NDE1: variants seen among roughly 807,000 people sequenced by gnomAD.
NDE1 encodes nuclear distribution protein nudE homolog 1.
NDE1 carries 28 observed loss-of-function variants against 43.4 expected under a neutral mutation model. The ratio of observed to expected loss-of-function variants is 0.65; its 90% CI spans 0.48 to 0.89. The LOEUF is 0.89. Ranked by LOEUF, NDE1 falls within the 40% of genes least tolerant of loss-of-function variation. The pLI, the probability that NDE1 is intolerant of heterozygous loss-of-function variation, is 0.00. For synonymous variants in NDE1, 184 were observed against 172.0 expected (o/e 1.07, Z -0.55); for missense variants, 441 against 434.1 (o/e 1.02, Z -0.14).
intron 2 of NDE1, among the ~76,000 whole-genome samples, chr16:15,665,979 C>A (rs2151439271): frequency 6.6e-6 from 1 of 152,252 alleles, no homozygotes. Context: ...AGCTCTCGAA[C>A]TCCCAACCTC....
At position 15,717,193 on chromosome 16, in the gene NDE1, C is replaced by T. The variant is rs774717188; in HGVS notation, c.948-6998C>T. On this transcript the variant is annotated intron_variant, in intron 8 of 8. Coordinates refer to ENST00000396354, the MANE Select transcript of NDE1 (RefSeq NM_017668.3). ...GCTGTGCAATCTTGGCCTCCAGCGC[C>T]GCGATGGTGGACTTGAACTTGGACT... The T allele has an allele frequency of 1.8e-5, 29 of 1,614,062 alleles. No homozygotes were observed. In the East Asian group the frequency reaches 3.6e-4, roughly 20 times the overall value.
chr16:15,717,308 G>A lies in NDE1; in HGVS notation c.948-6883G>A, dbSNP rs201960644. 3.7e-4 allele frequency: 602 copies of A among 1,611,998 alleles called. 2 individuals are homozygous for A. Among genetic ancestry groups the A allele is most frequent in the Middle Eastern group, 3.3e-4 (2 of 6,060 alleles). ...CCGGGCACTCTCATTCTTCTGGGCC[G>A]TGCTGCGCTCTGTGGCCAGCTCGTT... is the stretch of plus-strand genomic sequence containing the variant. On this transcript the variant is annotated intron_variant, in intron 8 of 8. Coordinates refer to ENST00000396354, the MANE Select transcript of NDE1 (RefSeq NM_017668.3).
intron 4 of NDE1, among the ~76,000 whole-genome samples, chr16:15,680,290 A>C (rs1376178257): frequency 6.6e-6 from 1 of 152,072 alleles, no homozygotes. Flanking sequence ...TATATTCAGA[A>C]TGTGGGGGGG....
intron 8 of NDE1, chr16:15,717,468 G>T: frequency 2.0e-6 from 2 of 998,236 alleles, no homozygotes; most frequent in Non-Finnish European, 3.0e-6. Flanking sequence ...CGGGCACCCT[G>T]TCCTCTCCTT....
intron 8 of NDE1, among the ~76,000 whole-genome samples, chr16:15,702,454 G>A (rs1158220345): frequency 2.6e-5 from 4 of 152,050 alleles, no homozygotes; most frequent in African/African-American, 9.7e-5. Context: ...GCAGTGGCGT[G>A]ATCATAGCTC....
intron 3 of NDE1, among the ~76,000 whole-genome samples, chr16:15,669,159 CA>C (rs34083751): frequency 0.02 from 2,930 of 149,114 alleles, 77 homozygotes; most frequent in African/African-American, 0.056. Context: ...CTCAGCCTCC[CA>C]AAGTGCTGGG....
intron 1 of NDE1, among the ~76,000 whole-genome samples, chr16:15,644,918 CTT>C (rs34053597): frequency 0.025 from 3,216 of 129,538 alleles, 64 homozygotes; most frequent in East Asian, 0.086. Context: ...TTCCTTTTTA[CTT>C]TTTTTTTTTT....
chr16:15,713,792 G>C (rs2039958864), intron 8 of NDE1: 1 of 152,378 alleles, frequency 6.6e-6, no homozygotes, highest in African/African-American at 2.4e-5. Context: ...CCAAGCTTGA[G>C]TTTCATTTGG....
intron 1 of NDE1, among the ~76,000 whole-genome samples, chr16:15,650,716 C>T (rs1183057783): frequency 6.6e-6 from 1 of 152,130 alleles, no homozygotes; most frequent in Non-Finnish European, 1.5e-5. Context: ...CCTTCCTCCC[C>T]ATACTCCTCT....
At chr16:15,663,887 T>G (rs2037172238) in intron 1 of NDE1, among the ~76,000 whole-genome samples, 1 of 151,788 alleles carries the variant, frequency 6.6e-6, no homozygotes, top group South Asian at 2.1e-4. Context: ...GCCAACATGG[T>G]GAAACCCTGT....
chr16:15,650,301 G>T lies in NDE1; in HGVS notation c.-44+7G>T. 3.4e-6 allele frequency: 1 copy of T among 296,852 alleles called. No individual in the cohort carries two copies. The highest frequency in any genetic ancestry group is 6.9e-6 in the Non-Finnish European group (1 of 144,422). 18.4% of individuals were successfully genotyped at this position (296,852 alleles called of 1,614,324 possible). ...CCTCGCCGCCCCTGCTCGGGTAAGT[G>T]AGGCGCTGCGCGGGGCTGGGGTCGG... is the stretch of plus-strand genomic sequence containing the variant. On this transcript the variant is annotated splice_region_variant and intron_variant, in intron 1 of 8. Transcript: ENST00000396354.
intron 7 of NDE1, chr16:15,694,593 C>A: frequency 1.0e-6 from 1 of 977,262 alleles, no homozygotes. Flanking sequence ...AGTGATCCTC[C>A]CAGGTTGGCC....
chr16:15,674,902 G>T (rs1330077395), intron 3 of NDE1, among the ~76,000 whole-genome samples: 2 of 152,022 alleles, frequency 1.3e-5, no homozygotes, highest in African/African-American at 4.8e-5. Flanking sequence ...ACTGAGTCTG[G>T]CTCTGTGGGC....
chr16:15,723,463 A>G (rs560594855), intron 8 of NDE1, among the ~76,000 whole-genome samples: 17 of 152,310 alleles, frequency 1.1e-4, no homozygotes, highest in African/African-American at 4.1e-4. Flanking sequence ...CCTGGACAAC[A>G]TGGCAAAACC....
At chr16:15,646,256 C>T (rs1310803978), upstream of NDE1, among the ~76,000 whole-genome samples, 3 of 152,198 alleles carry the variant, frequency 2.0e-5, no homozygotes, top group Non-Finnish European at 2.9e-5. Flanking sequence ...TGTCCAGAAA[C>T]GTCACAGAGT....
At chr16:15,713,668 G>A (rs1466221075) in intron 8 of NDE1, 1 of 152,152 alleles carries the variant, frequency 6.6e-6, no homozygotes, top group Non-Finnish European at 1.5e-5. Flanking sequence ...GCTGATTTTT[G>A]TTTGTTTGTT....
In NDE1 at chr16:15,720,723, ACT is replaced by A. The variant is rs34491943; in HGVS notation, c.948-3465_948-3464del. ...ACTCCAGCCTGGGCGACAGAGCGAGACTCTGTTTCAAAAAAAAATAAAGAAAA... is the reference window on the plus strand; with the variant it reads ...ACTCCAGCCTGGGCGACAGAGCGAGACTGTTTCAAAAAAAAATAAAGAAAA... On this transcript the variant is annotated intron_variant, in intron 8 of 8. Transcript: ENST00000396354. The A allele has an allele frequency of 0.031, 36,130 of 1,150,114 alleles. 877 individuals are homozygous for A. Among genetic ancestry groups the A allele is most frequent in the South Asian group, 0.086 (6,724 of 78,268 alleles). The allele number at this position is 1,150,114 out of a possible 1,614,324, so 71.2% of individuals were successfully genotyped here. A position where few individuals can be genotyped will look rare whatever the true frequency, so the allele number is the denominator to read the frequency against.
chr16:15,676,664 G>A (rs571192227), intron 3 of NDE1, among the ~76,000 whole-genome samples: 3 of 151,742 alleles, frequency 2.0e-5, no homozygotes, highest in South Asian at 2.1e-4. Flanking sequence ...AACAACGGAC[G>A]TCATTATGAT....
intron 2 of NDE1, among the ~76,000 whole-genome samples, chr16:15,666,354 C>T (rs750478742): frequency 6.6e-6 from 1 of 151,986 alleles, no homozygotes; most frequent in East Asian, 1.9e-4. Context: ...CACAGTGGCT[C>T]ACATCTGTAA....
Sources: allele counts gnomAD v4.1 joint callset (sites outside exome capture counted in the v4.1 genomes callset), GRCh38; gene constraint gnomAD v4.1.1; transcripts MANE v1.5; gene names NCBI Gene and HGNC (gene_info 2026-07-23, HGNC 2026-07-21).